CEP162: variants seen among roughly 807,000 people sequenced by gnomAD.
CEP162 encodes the protein centrosomal protein 162.
Under a neutral mutation model 169.2 loss-of-function variants are expected in CEP162, and 141 were observed. The ratio of observed to expected loss-of-function variants is 0.83; its 90% CI spans 0.73 to 0.96. The LOEUF is 0.96. Among genes scored for constraint, CEP162 ranks in the 40% least tolerant of loss-of-function variants. The pLI is 0.00. For synonymous variants in CEP162, 540 were observed against 526.4 expected, an observed-to-expected ratio of 1.03 and a Z score of -0.35; for missense variants, 1,600 against 1,587.2, an observed-to-expected ratio of 1.01 and a Z score of -0.14.
intron 9 of CEP162, among the ~76,000 whole-genome samples, chr6:84,197,407 A>C (rs1017862370): frequency 4.6e-5 from 7 of 152,178 alleles, no homozygotes; most frequent in Admixed American, 2.6e-4. Flanking sequence ...ACTTTTTTCC[A>C]TGCATATCAT....
chr6:84,149,805 G>C (rs762734842), intron 23 of CEP162, 102 bp from the exon 24 acceptor site: 30 of 963,994 alleles, frequency 3.1e-5, no homozygotes, highest in Non-Finnish European at 4.1e-5. Flanking sequence ...ATTAAGCAAG[G>C]GGAAAATGGG....
rs183731775 is a variant in CEP162, at chr6:84,161,454, G to A, written c.2676+292C>T. Among the ~76,000 whole-genome samples the A allele has an allele frequency of 3.3e-5, 5 of 152,272 alleles. No individual in the cohort carries two copies. The East Asian group carries it at 9.7e-4, about 29-fold the overall frequency. ...AGTCCAGCATGTTCAAGAATCAGAG[G>A]AGCTCTGATGTGGCTGGAGAAGAGT... On this transcript the variant is annotated intron_variant, in intron 20 of 26. Coordinates refer to ENST00000403245, the MANE Select transcript of CEP162 (RefSeq NM_014895.4).
At chr6:84,218,633 T>C (rs183643263) in intron 3 of CEP162, among the ~76,000 whole-genome samples, 1 of 152,302 alleles carries the variant, frequency 6.6e-6, no homozygotes, top group East Asian at 1.9e-4. Context: ...AAAATATCAC[T>C]TTTGGTAGGA....
intron 24 of CEP162, among the ~76,000 whole-genome samples, chr6:84,148,253 A>G (rs1291174604): frequency 6.6e-6 from 1 of 152,118 alleles, no homozygotes. Context: ...AGACTTCATT[A>G]CATTTTGCCC....
rs769843050 is a variant in CEP162 at position 84,214,311 on chromosome 6, T to A, written c.503+971A>T. ...AGTAATACATTTTCCAAGCTCAGTG[T>A]TCCTCTTCTGTAACACAGCCCATTG... On this transcript the variant is annotated intron_variant, in intron 5 of 26. Coordinates refer to ENST00000403245, the MANE Select transcript of CEP162 (RefSeq NM_014895.4). 2.0e-5 allele frequency among the ~76,000 whole-genome samples: 3 copies of A among 152,310 alleles called. No homozygotes were observed. In the South Asian group the frequency reaches 6.2e-4, roughly 32 times the overall value.
chr6:84,186,508 T>G lies in CEP162; in HGVS notation c.1225A>C (p.Asn409His), dbSNP rs1246288848. The change falls in exon 12 of 27, where the codon AAT (asparagine) becomes CAT (histidine). Residue 409 changes from asparagine (N) to histidine (H), a missense_variant. Asn to His is a moderately conservative substitution (Grantham distance 68). Transcript: ENST00000403245. ...SQHVNLFFDK[N>H]DENVILQKTT... is the part of the protein sequence containing the mutation. Reference sequence around the variant, plus strand: ...TTTTGTAAAATCACATTCTCATCATTTTTGTCAAAAAAAAGGTTCACATGT... The same window carrying G: ...TTTTGTAAAATCACATTCTCATCATGTTTGTCAAAAAAAAGGTTCACATGT... 1 of 1,613,318 alleles carries G rather than the reference T, an allele frequency of 6.2e-7. No homozygotes were observed. Among genetic ancestry groups the G allele is most frequent in the East Asian group, 2.2e-5 (1 of 44,780 alleles).
intron 8 of CEP162, 65 bp downstream of exon 8, chr6:84,201,672 C>T: frequency 1.3e-6 from 1 of 796,618 alleles, no homozygotes; most frequent in Non-Finnish European, 2.0e-6. Context: ...TTCAGAATTA[C>T]TGAGATGAAA....
chr6:84,169,742 A>G (rs755093263), intron 17 of CEP162, among the ~76,000 whole-genome samples: 1 of 152,090 alleles, frequency 6.6e-6, no homozygotes, highest in Non-Finnish European at 1.5e-5. Context: ...GATGCGCTGC[A>G]TTTTTCTGTG....
chr6:84,188,841 T>C (rs2099538390), intron 11 of CEP162, among the ~76,000 whole-genome samples: 1 of 152,184 alleles, frequency 6.6e-6, no homozygotes, highest in African/African-American at 2.4e-5. Context: ...CTAATTTACA[T>C]TCCCACCAGC....
chr6:84,193,578 A>G (rs2099540792), intron 11 of CEP162, 31 bp downstream of exon 11: 1 of 1,370,152 alleles, frequency 7.3e-7, no homozygotes, highest in Middle Eastern at 1.9e-4. Context: ...AAAAGTTTCC[A>G]ATGACAAAAC....
At position 84,153,056 on chromosome 6, in the gene CEP162, T is replaced by A. The variant is rs1229635039; in HGVS notation, c.3118A>T (p.Ile1040Phe). ...ELDDIKEAHQITVRNLEAEID... is the reference protein window; with the variant it reads ...ELDDIKEAHQFTVRNLEAEID... ...TCGGCTTCAAGGTTTCTTACAGTGA[T>A]CTGATGGGCTTCCTTGATGTCATCA... is the stretch of plus-strand genomic sequence containing the variant. The change falls in exon 23 of 27, where the codon ATC becomes TTC. Residue 1040 changes from isoleucine to phenylalanine, a missense_variant. By Grantham distance (21) the Ile-to-Phe change is conservative. Transcript: ENST00000403245. 1.2e-6 allele frequency: 2 copies of A among 1,613,430 alleles called. No individual in the cohort carries two copies. The highest frequency in any genetic ancestry group is 2.2e-5 in the East Asian group (1 of 44,866).
intron 22 of CEP162, 103 bp from the exon 23 acceptor site, chr6:84,153,282 C>G (rs1283921405): frequency 2.0e-6 from 2 of 1,019,330 alleles, no homozygotes; most frequent in Non-Finnish European, 2.8e-6. Context: ...TATTCAGGTA[C>G]TCATTATACA....
chr6:84,138,290 T>G (rs1340553154), intron 25 of CEP162, among the ~76,000 whole-genome samples: 4 of 152,182 alleles, frequency 2.6e-5, no homozygotes, highest in Admixed American at 2.6e-4. Context: ...CACTACAGAC[T>G]GTGATTTCTG....
chr6:84,139,506 A>G (rs945339462), intron 25 of CEP162, among the ~76,000 whole-genome samples: 1 of 152,212 alleles, frequency 6.6e-6, no homozygotes, highest in African/African-American at 2.4e-5. Context: ...GGGTTGAGAA[A>G]AAAAATTTTT....
intron 16 of CEP162, among the ~76,000 whole-genome samples, chr6:84,173,272 C>T (rs1310783491): frequency 1.3e-5 from 2 of 152,022 alleles, no homozygotes; most frequent in Non-Finnish European, 2.9e-5. Context: ...TAGCTATATC[C>T]CAATAAGGCC....
At chr6:84,212,494 T>A (rs2099549868) in intron 6 of CEP162, among the ~76,000 whole-genome samples, 1 of 151,966 alleles carries the variant, frequency 6.6e-6, no homozygotes, top group Non-Finnish European at 1.5e-5. Flanking sequence ...AAGGTAGACA[T>A]ATATTGTGAC....
intron 2 of CEP162, among the ~76,000 whole-genome samples, chr6:84,225,309 G>T (rs1445000826): frequency 6.6e-6 from 1 of 152,118 alleles, no homozygotes; most frequent in Admixed American, 6.5e-5. Flanking sequence ...ATTGCTCCTA[G>T]GTTACAAAGC....
chr6:84,151,687 A>C (rs1348571515), intron 23 of CEP162, among the ~76,000 whole-genome samples: 1 of 152,110 alleles, frequency 6.6e-6, no homozygotes, highest in Non-Finnish European at 1.5e-5. Flanking sequence ...ATTTTTGGGG[A>C]TGGAGAAGGA....
intron 3 of CEP162, among the ~76,000 whole-genome samples, chr6:84,220,572 C>T (rs532221774): frequency 1.1e-4 from 17 of 152,256 alleles, no homozygotes; most frequent in African/African-American, 3.9e-4. Flanking sequence ...TTACAATGAG[C>T]TATGATTGTG....
Sources: gnomAD v4.1 joint callset for allele counts (sites outside exome capture counted in the v4.1 genomes callset) on GRCh38, gnomAD v4.1.1 for gene constraint, MANE v1.5 for transcripts, NCBI Gene and HGNC (gene_info 2026-07-23, HGNC 2026-07-21) for gene names.